ARSK: variants seen among roughly 807,000 people sequenced by gnomAD.
ARSK encodes the protein arylsulfatase K.
ARSK carries 37 observed loss-of-function variants against 53.2 expected under a neutral mutation model. The observed-to-expected ratio is 0.70, with a 90% CI of 0.54 to 0.92. The LOEUF (loss-of-function observed/expected upper bound fraction) is 0.92. Among genes scored for constraint, ARSK ranks in the 40% least tolerant of loss-of-function variants. The pLI, the probability that ARSK is intolerant of heterozygous loss-of-function variation, is 0.00. For synonymous variants in ARSK, 208 were observed against 223.2 expected (o/e 0.93, Z 0.61); for missense variants, 613 against 643.0 (o/e 0.95, Z 0.51).
intron 6 of ARSK, among the ~76,000 whole-genome samples, chr5:95,599,936 G>C (rs1277838912): frequency 6.6e-6 from 1 of 152,030 alleles, no homozygotes; most frequent in African/African-American, 2.4e-5. Flanking sequence ...CATAAAATAT[G>C]AACATTGAAA....
At chr5:95,576,449 G>A (rs530438349) in intron 3 of ARSK, among the ~76,000 whole-genome samples, 2 of 151,424 alleles carry the variant, frequency 1.3e-5, no homozygotes, top group Admixed American at 6.6e-5. Flanking sequence ...CGCCCGCCTC[G>A]GCCTCCCAAA....
intron 3 of ARSK, among the ~76,000 whole-genome samples, chr5:95,568,686 A>G (rs1748772442): frequency 6.6e-6 from 1 of 152,204 alleles, no homozygotes; most frequent in South Asian, 2.1e-4. Context: ...CTCCTTAGAA[A>G]GGCCTGCTTG....
chr5:95,596,657 T>C (rs1353696352), intron 6 of ARSK, among the ~76,000 whole-genome samples: 3 of 152,100 alleles, frequency 2.0e-5, no homozygotes, highest in Admixed American at 1.3e-4. Context: ...CTCACTTCCA[T>C]TCTGTGGATC....
chr5:95,562,319 C>A (rs961306333), intron 1 of ARSK, among the ~76,000 whole-genome samples: 1 of 152,178 alleles, frequency 6.6e-6, no homozygotes, highest in Admixed American at 6.5e-5. Context: ...CTACTCCTAC[C>A]TCTACTCCCT....
rs1043222994 is a variant in ARSK, at chr5:95,586,883, T to C, written c.871+150T>C. The C allele has an allele frequency of 1.4e-5, 8 of 590,194 alleles. No individual in the cohort carries two copies. In the South Asian group the frequency reaches 2.3e-4, roughly 17 times the overall value. The allele number at this position is 590,194 out of a possible 1,614,324, so 36.6% of individuals were successfully genotyped here. A position where few individuals can be genotyped will look rare whatever the true frequency, so the allele number is the denominator to read the frequency against. On this transcript the variant is annotated intron_variant, in intron 5 of 7. Coordinates refer to ENST00000380009, the MANE Select transcript of ARSK (RefSeq NM_198150.3). ...TATCAAAACTTGATAACTTGCGTTA[T>C]TGATAGAATGAAAAGCTCTTTACAT...
chr5:95,598,945 G>T (rs1216031076), intron 6 of ARSK, among the ~76,000 whole-genome samples: 6 of 152,114 alleles, frequency 3.9e-5, no homozygotes, highest in Admixed American at 3.9e-4. Context: ...TCTCAGAGGG[G>T]CCTTCCCTGA....
chr5:95,583,218 G>A lies in ARSK; in HGVS notation c.699+20G>A. On this transcript the variant is annotated intron_variant, in intron 4 of 7. Coordinates refer to ENST00000380009, the MANE Select transcript of ARSK (RefSeq NM_198150.3). The stretch of plus-strand genomic sequence containing the variant: ...GAAAAAGTAAGTAACTACATTGTGT[G>A]TGCTCAAAAGTAGATTTATATATGT... The A allele has an allele frequency of 1.3e-6, 2 of 1,481,930 alleles. No homozygotes were observed. The highest frequency in any genetic ancestry group is 1.8e-6 in the Non-Finnish European group (2 of 1,108,124). The allele number at this position is 1,481,930 out of a possible 1,614,324, so 91.8% of individuals were successfully genotyped here. A position where few individuals can be genotyped will look rare whatever the true frequency, so the allele number is the denominator to read the frequency against.
chr5:95,573,474 A>C lies in ARSK; in HGVS notation c.416+5425A>C, dbSNP rs546272288. ...AGCTAATATTTTTGAGCCAGCTACA[A>C]TGTGCCAGACATTATTTTTAGATGA... On this transcript the variant is annotated intron_variant, in intron 3 of 7. Transcript: ENST00000380009. 1.1e-4 allele frequency among the ~76,000 whole-genome samples: 17 copies of C among 152,334 alleles called. 1 individual carries two copies. Among genetic ancestry groups the C allele is most frequent in the African/African-American group, 3.4e-4 (14 of 41,580 alleles).
intron 3 of ARSK, among the ~76,000 whole-genome samples, chr5:95,571,615 G>A (rs1344958712): frequency 2.6e-5 from 4 of 152,078 alleles, no homozygotes; most frequent in Non-Finnish European, 5.9e-5. Flanking sequence ...TCTAAAATTA[G>A]TAGAGGAAAA....
intron 6 of ARSK, among the ~76,000 whole-genome samples, chr5:95,597,349 CT>C (rs1180074084): frequency 1.3e-5 from 2 of 151,982 alleles, no homozygotes; most frequent in Non-Finnish European, 2.9e-5. Flanking sequence ...TTTCAAAACC[CT>C]TCTTGTTACA....
chr5:95,591,433 C>T lies in ARSK; in HGVS notation c.904C>T (p.Leu302Phe), dbSNP rs764153595. ...TATTTTGGCCCTTCATCAATTAGATCTTCTTCAGAAAACTATTGTCATATA... is the reference window on the plus strand; with the variant it reads ...TATTTTGGCCCTTCATCAATTAGATTTTCTTCAGAAAACTATTGTCATATA... Reference protein sequence around the residue: ...EIILALHQLDLLQKTIVIYSS... With the variant: ...EIILALHQLDFLQKTIVIYSS... The change falls in exon 6 of 8, where the codon CTT (leucine) becomes TTT (phenylalanine). Residue 302 changes from leucine to phenylalanine, a missense_variant. Coordinates refer to ENST00000380009, the MANE Select transcript of ARSK (RefSeq NM_198150.3). 3.1e-6 allele frequency: 5 copies of T among 1,613,868 alleles called. 1 individual carries two copies. The highest frequency in any genetic ancestry group is 1.3e-5 in the African/African-American group (1 of 75,034).
chr5:95,564,647 C>G (rs1748697640), intron 1 of ARSK, among the ~76,000 whole-genome samples: 1 of 152,152 alleles, frequency 6.6e-6, no homozygotes, highest in Non-Finnish European at 1.5e-5. Context: ...TCCATACTGC[C>G]AATTCCAATG....
At chr5:95,565,880 T>G in intron 1 of ARSK, 118 bp from the exon 2 acceptor site, 1 of 988,824 alleles carries the variant, frequency 1.0e-6, no homozygotes, top group East Asian at 2.7e-5. Flanking sequence ...TGTTTTTATC[T>G]TTGGAGGATT....
intron 2 of ARSK, 21 bp downstream of exon 2, chr5:95,566,148 A>G (rs1427175823): frequency 2.9e-5 from 47 of 1,609,112 alleles, no homozygotes; most frequent in Non-Finnish European, 3.7e-5. Context: ...CCTTAATATG[A>G]ATGGGAGAAA....
intron 5 of ARSK, among the ~76,000 whole-genome samples, chr5:95,588,386 G>A (rs1414739829): frequency 6.6e-6 from 1 of 151,592 alleles, no homozygotes; most frequent in Non-Finnish European, 1.5e-5. Context: ...ATAGGCACGC[G>A]CCACCACGCC....
chr5:95,557,102 T>C (rs1748536554), intron 1 of ARSK: 1 of 152,122 alleles, frequency 6.6e-6, no homozygotes, highest in African/African-American at 2.4e-5. Flanking sequence ...ATTCAAACTG[T>C]CCTATCTTTG....
chr5:95,604,184 T>A lies in ARSK; in HGVS notation c.*658T>A, dbSNP rs1749461691. The A allele has an allele frequency of 6.6e-6, 1 of 152,210 alleles. No individual in the cohort carries two copies. The highest frequency in any genetic ancestry group is 2.4e-5 in the African/African-American group (1 of 41,466). 9.4% of individuals were successfully genotyped at this position (152,210 alleles called of 1,614,324 possible). A position where few individuals can be genotyped will look rare whatever the true frequency, so the allele number is the denominator to read the frequency against. On this transcript the variant is annotated 3_prime_UTR_variant, in exon 8 of 8. Coordinates refer to ENST00000380009, the MANE Select transcript of ARSK (RefSeq NM_198150.3). ...TATGTGAGCATTTGATGGTGCTCGA[T>A]GAGTTACTTGTATTTGATGGGATTG...
chr5:95,586,782 T>A (rs764241401), intron 5 of ARSK, 49 bp downstream of exon 5: 1 of 1,472,722 alleles, frequency 6.8e-7, no homozygotes, highest in East Asian at 2.4e-5. Context: ...ATTATAATAT[T>A]TTTCCAACAG....
chr5:95,590,023 G>A (rs1053588450), intron 5 of ARSK, among the ~76,000 whole-genome samples: 2 of 152,076 alleles, frequency 1.3e-5, no homozygotes, highest in Non-Finnish European at 2.9e-5. Flanking sequence ...GAGCATAATC[G>A]GTAAACATTT....
Sources: gnomAD v4.1 joint callset for allele counts (sites outside exome capture counted in the v4.1 genomes callset) on GRCh38, gnomAD v4.1.1 for gene constraint, MANE v1.5 for transcripts, NCBI Gene and HGNC (gene_info 2026-07-23, HGNC 2026-07-21) for gene names.